UBE2Q1: variants seen among roughly 807,000 people sequenced by gnomAD.
UBE2Q1 encodes ubiquitin-conjugating enzyme E2 Q1.
UBE2Q1 carries 6 observed loss-of-function variants against 60.1 expected under a neutral mutation model. The ratio of observed to expected loss-of-function variants is 0.10; its 90% confidence interval spans 0.05 to 0.20. The LOEUF (loss-of-function observed/expected upper bound fraction) is 0.20, where lower values mean the gene tolerates loss of function less well. UBE2Q1 is among the 10% of genes least tolerant of loss of function. UBE2Q1 has a pLI of 1.00. For synonymous variants in UBE2Q1, 226 were observed against 208.3 expected, an observed-to-expected ratio of 1.09 and a Z score of -0.73; for missense variants, 262 against 525.8, an observed-to-expected ratio of 0.50 and a Z score of 4.91.
rs1200836971 is a variant in UBE2Q1, at chr1:154,552,132, T to C, written c.927A>G (p.Lys309=). The change falls in exon 8 of 13, where the codon AAA becomes AAG. Residue 309 remains lysine (K), a synonymous_variant. Coordinates refer to ENST00000292211, the MANE Select transcript of UBE2Q1 (RefSeq NM_017582.7). ...LHNDLQILKE[K]EGADFILLNF... ...TAAGTAGAATGAAGTCGGCTCCTTC[T>C]TTCTCTTTGAGGATCTGGAGATCGT... The C allele has an allele frequency of 6.2e-7, 1 of 1,614,268 alleles. No homozygotes were observed. The highest frequency in any genetic ancestry group is 1.7e-5 in the Admixed American group (1 of 60,028).
rs1307219138 is a variant in UBE2Q1, at chr1:154,555,932, C to G, written c.360G>C (p.Ser120=). The change falls in exon 2 of 13, where the codon TCG becomes TCC. Residue 120 remains serine (S), a synonymous_variant. Transcript: ENST00000292211. ...ESYPAVPPIW[S]VESDDPNLAA... ...CCAAGTTAGGGTCATCAGACTCCAC[C>G]GACCAGATGGGGGGCACAGCAGGGT... 6.2e-7 allele frequency: 1 copy of G among 1,614,046 alleles called. No individual in the cohort carries two copies. The highest frequency in any genetic ancestry group is 8.5e-7 in the Non-Finnish European group (1 of 1,180,008).
chr1:154,554,649 G>A (rs1337342942), intron 4 of UBE2Q1, 86 bp downstream of exon 4: 2 of 1,384,386 alleles, frequency 1.4e-6, no homozygotes, highest in Non-Finnish European at 2.0e-6. Flanking sequence ...TCTCTCTCCA[G>A]TTTTAGACTG....
chr1:154,552,165 A>G lies in UBE2Q1; in HGVS notation c.894T>C (p.Ala298=). 1 of 1,614,182 alleles carries G rather than the reference A, an allele frequency of 6.2e-7. No individual in the cohort carries two copies. The change falls in exon 8 of 13, where the codon GCT becomes GCC. Residue 298 remains alanine (A), a synonymous_variant. Transcript: ENST00000292211. ...VKLLKVDQDS[A]LHNDLQILKE... ...TGAGGATCTGGAGATCGTTGTGCAA[A>G]GCGCTGTCCTGGTCAACTCTAAGAA...
chr1:154,551,712 G>A (rs996485121), intron 10 of UBE2Q1, 59 bp downstream of exon 10: 5 of 1,607,000 alleles, frequency 3.1e-6, no homozygotes, highest in Non-Finnish European at 4.3e-6. Flanking sequence ...GGTGTGTGCT[G>A]TAAAGCTCAG....
Position 154,550,492 on chromosome 1 carries a change from G to A in UBE2Q1, c.1238-23C>T, listed in dbSNP as rs772279805. On this transcript the variant is annotated intron_variant, in intron 12 of 12. Transcript: ENST00000292211. ...AGCCTGCAAAGAAATGGAATGGTCA[G>A]TGAGGTGAAGGTTCAGGCCCACCCT... 1.9e-6 allele frequency: 3 copies of A among 1,613,824 alleles called. No individual in the cohort carries two copies. In the South Asian group the frequency reaches 3.3e-5, roughly 18 times the overall value.
At position 154,551,401 on chromosome 1, in the gene UBE2Q1, T is replaced by A; in HGVS notation, c.1166A>T (p.Asn389Ile). Residue 389 changes from asparagine (N) to isoleucine (I), a missense_variant, in exon 11 of 13, where the codon AAC becomes ATC. Coordinates refer to ENST00000292211, the MANE Select transcript of UBE2Q1 (RefSeq NM_017582.7). Reference protein sequence around the residue: ...KGKARVQFGANKSQYSLTRAQ... With the variant: ...KGKARVQFGAIKSQYSLTRAQ... ...CCCCAGGACCAGGATCCTTACTTTG[T>A]TGGCTCCAAACTGCACTCGTGCTTT... is the stretch of plus-strand genomic sequence containing the variant. 1 of 1,613,960 alleles carries A rather than the reference T, an allele frequency of 6.2e-7. No individual in the cohort carries two copies. Among genetic ancestry groups the A allele is most frequent in the Non-Finnish European group, 8.5e-7 (1 of 1,179,998 alleles).
chr1:154,549,739 T>C lies in UBE2Q1; in HGVS notation c.*699A>G, dbSNP rs1276329815. The C allele has an allele frequency of 6.6e-6, 1 of 152,664 alleles. No homozygotes were observed. Among genetic ancestry groups the C allele is most frequent in the Admixed American group, 6.5e-5 (1 of 15,284 alleles). The allele number at this position is 152,664 out of a possible 1,614,324, so 9.5% of individuals were successfully genotyped here. Reference sequence around the variant, plus strand: ...TCGTTTCAGCCTACCACATTGTAGTTTGGCAGGCCAGGCTCTGCATTCCAA... The same window carrying C: ...TCGTTTCAGCCTACCACATTGTAGTCTGGCAGGCCAGGCTCTGCATTCCAA... On this transcript the variant is annotated 3_prime_UTR_variant, in exon 13 of 13. Transcript: ENST00000292211.
At chr1:154,550,858 G>A in intron 12 of UBE2Q1, 80 bp downstream of exon 12, 1 of 1,610,852 alleles carries the variant, frequency 6.2e-7, no homozygotes. Flanking sequence ...CCAAAAGAAG[G>A]GGTTCTTGCT....
chr1:154,556,022 T>C lies in UBE2Q1; in HGVS notation c.328-58A>G, dbSNP rs539728577. Reference sequence around the variant, plus strand: ...ATGGGTGACTCTGGGAAAAGCCAGATTTTGCCTGTCCTCTTCCCCCCAAGA... The same window carrying C: ...ATGGGTGACTCTGGGAAAAGCCAGACTTTGCCTGTCCTCTTCCCCCCAAGA... On this transcript the variant is annotated intron_variant, in intron 1 of 12. Coordinates refer to ENST00000292211, the MANE Select transcript of UBE2Q1 (RefSeq NM_017582.7). The C allele has an allele frequency of 1.4e-5, 21 of 1,508,332 alleles. No homozygotes were observed. The East Asian group carries it at 4.5e-4, about 32-fold the overall frequency. 93.4% of individuals were successfully genotyped at this position (1,508,332 alleles called of 1,614,324 possible).
intron 4 of UBE2Q1, 114 bp from the exon 5 acceptor site, chr1:154,553,286 G>GCAGTCCAT: frequency 7.3e-7 from 1 of 1,374,492 alleles, no homozygotes; most frequent in Admixed American, 2.6e-5. Flanking sequence ...TTAAAGTGAA[G>GCAGTCCAT]CAGTCCATCT....
intron 7 of UBE2Q1, 46 bp from the exon 8 acceptor site, chr1:154,552,229 G>A: frequency 1.9e-6 from 3 of 1,611,884 alleles, no homozygotes; most frequent in Non-Finnish European, 1.7e-6. Context: ...TCCACCTCAG[G>A]AGCTTCATAA....
intron 4 of UBE2Q1, among the ~76,000 whole-genome samples, chr1:154,554,349 T>A (rs1411700916): frequency 6.6e-6 from 1 of 152,238 alleles, no homozygotes; most frequent in African/African-American, 2.4e-5. Flanking sequence ...ATTTTATATA[T>A]AACACCTCAT....
chr1:154,553,317 G>A (rs1171623536), intron 4 of UBE2Q1, 145 bp from the exon 5 acceptor site: 3 of 1,065,172 alleles, frequency 2.8e-6, no homozygotes, highest in Non-Finnish European at 2.6e-6. Context: ...TAAACGCAAC[G>A]TGCTTTCCAT....
chr1:154,552,391 A>G lies in UBE2Q1; in HGVS notation c.875+13T>C, dbSNP rs752610086. ...TCCTCAACTTCCTCTCCAATCCCAGAGTCCCCACTCACTTGAGGAGTTTGA... is the reference window on the plus strand; with the variant it reads ...TCCTCAACTTCCTCTCCAATCCCAGGGTCCCCACTCACTTGAGGAGTTTGA... On this transcript the variant is annotated intron_variant, in intron 7 of 12. Coordinates refer to ENST00000292211, the MANE Select transcript of UBE2Q1 (RefSeq NM_017582.7). 3.7e-6 allele frequency: 6 copies of G among 1,613,982 alleles called. No individual in the cohort carries two copies. In the East Asian group the frequency reaches 8.9e-5, roughly 24 times the overall value.
Position 154,552,200 on chromosome 1 carries a change from C to T in UBE2Q1, c.876-17G>A. 2 of 1,614,166 alleles carry T rather than the reference C, an allele frequency of 1.2e-6. No homozygotes were observed. The highest frequency in any genetic ancestry group is 2.2e-5 in the East Asian group (1 of 44,882). On this transcript the variant is annotated splice_polypyrimidine_tract_variant and intron_variant, in intron 7 of 12. Coordinates refer to ENST00000292211, the MANE Select transcript of UBE2Q1 (RefSeq NM_017582.7). ...TGGTCAACTCTAAGAAGCAACAAGC[C>T]TGGGCTCAGATGCCTGGTTCCACCT...
intron 12 of UBE2Q1, 132 bp from the exon 13 acceptor site, chr1:154,550,601 G>A (rs565336429): frequency 2.0e-6 from 3 of 1,527,492 alleles, no homozygotes; most frequent in South Asian, 2.6e-5. Flanking sequence ...GTGGGGAGAG[G>A]TGTATGGGAA....
intron 6 of UBE2Q1, 73 bp from the exon 7 acceptor site, chr1:154,552,537 C>T (rs1232811756): frequency 1.9e-6 from 3 of 1,564,858 alleles, no homozygotes; most frequent in Middle Eastern, 1.7e-4. Context: ...AGACCCCTTT[C>T]CCAGACTGAG....
At chr1:154,552,640 A>T in intron 6 of UBE2Q1, 96 bp downstream of exon 6, 1 of 1,488,356 alleles carries the variant, frequency 6.7e-7, no homozygotes, top group Non-Finnish European at 9.1e-7. Flanking sequence ...AAAAGTTCAT[A>T]AGCACTCCTG....
intron 12 of UBE2Q1, 101 bp from the exon 13 acceptor site, chr1:154,550,570 T>C (rs1695776362): frequency 6.3e-7 from 1 of 1,585,116 alleles, no homozygotes; most frequent in Non-Finnish European, 8.6e-7. Context: ...GATAAGAGGA[T>C]ATTGGGGAGG....
Sources: gnomAD v4.1 joint callset for allele counts (sites outside exome capture counted in the v4.1 genomes callset) on GRCh38, gnomAD v4.1.1 for gene constraint, MANE v1.5 for transcripts, NCBI Gene and HGNC (gene_info 2026-07-23, HGNC 2026-07-21) for gene names.